NTRK3: variants seen among roughly 807,000 people sequenced by gnomAD.
The protein encoded by NTRK3 is NT-3 growth factor receptor.
In NTRK3, 24 loss-of-function variants were observed where a neutral mutation model predicts 91.7. The observed-to-expected ratio is 0.26, with a 90% confidence interval of 0.19 to 0.37. NTRK3 has a LOEUF of 0.37. Ranked by LOEUF, NTRK3 falls within the 10% of genes least tolerant of loss-of-function variation. The probability of loss-of-function intolerance (pLI) is 1.00; values close to 1 mark genes in which losing one functional copy is unlikely to be tolerated. For missense variants in NTRK3, 880 were observed against 1,068.9 expected (o/e 0.82, Z 2.46); for synonymous variants, 483 against 404.0 (o/e 1.20, Z -2.34).
chr15:88,235,452 T>C lies in NTRK3; in HGVS notation c.248+20454A>G, dbSNP rs1426675293. ...GCAAGCAGGACTCGCAGCTAAACCA[T>C]TGTGGGAGAGAGACACAAGCCCAGG... On this transcript the variant is annotated intron_variant, in intron 3 of 18. Transcript: ENST00000394480. The surrounding 1 kb of genome is among the most constrained non-coding windows in gnomAD (Gnocchi z 5.2). Among the ~76,000 whole-genome samples the C allele has an allele frequency of 1.3e-5, 2 of 152,070 alleles. No individual in the cohort carries two copies. Among genetic ancestry groups the C allele is most frequent in the Non-Finnish European group, 2.9e-5 (2 of 68,008 alleles).
intron 3 of NTRK3, among the ~76,000 whole-genome samples, chr15:88,221,097 T>C (rs1261895595): frequency 2.0e-5 from 3 of 152,228 alleles, no homozygotes; most frequent in Admixed American, 1.3e-4. Context: ...CTATTGCTGG[T>C]GGACTTCATG....
chr15:87,910,303 T>A lies in NTRK3; in HGVS notation c.2133+18888A>T, dbSNP rs145191794. ...CTGACCAGGCATGGACCCGGGCAGC[T>A]CCTGCCAACGTGCAAAGAAAAAGTG... On this transcript the variant is annotated intron_variant, in intron 17 of 18. Transcript: ENST00000394480. Among the ~76,000 whole-genome samples the A allele has an allele frequency of 4.8e-3, 736 of 152,334 alleles. 7 individuals are homozygous for A. The highest frequency in any genetic ancestry group is 0.017 in the African/African-American group (710 of 41,584).
intron 13 of NTRK3, among the ~76,000 whole-genome samples, chr15:88,050,160 G>A (rs183476218): frequency 6.6e-6 from 1 of 152,214 alleles, no homozygotes; most frequent in East Asian, 1.9e-4. Context: ...AGTAAAGAAA[G>A]TGTCAATATA....
chr15:88,097,165 T>C (rs1451908976), intron 13 of NTRK3, among the ~76,000 whole-genome samples: 1 of 152,216 alleles, frequency 6.6e-6, no homozygotes, highest in African/African-American at 2.4e-5. Flanking sequence ...TTACAATCAA[T>C]TTCACCTATG....
rs1452312855 is a variant in NTRK3 at position 88,162,452 on chromosome 15, G to A, written c.396-15049C>T. ...CCAAAGCCAACTGTGAATGAACGGG[G>A]GATCAGCCAGCAGAAGGAGAGGGGA... is the stretch of plus-strand genomic sequence containing the variant. On this transcript the variant is annotated intron_variant, in intron 5 of 18. Coordinates refer to ENST00000394480, the Ensembl canonical transcript of NTRK3. Among the ~76,000 whole-genome samples, 18 of 152,266 alleles carry A rather than the reference G, an allele frequency of 1.2e-4. No individual in the cohort carries two copies. In the East Asian group the frequency reaches 3.3e-3, roughly 28 times the overall value.
At chr15:87,886,065 A>G (rs184487696) in intron 17 of NTRK3, among the ~76,000 whole-genome samples, 65 of 152,228 alleles carry the variant, frequency 4.3e-4, no homozygotes, top group African/African-American at 1.5e-3. Context: ...GATCCACAAA[A>G]GGACTAGAAA....
intron 13 of NTRK3, among the ~76,000 whole-genome samples, chr15:88,035,680 A>C (rs183545701): frequency 1.3e-5 from 2 of 152,312 alleles, no homozygotes; most frequent in East Asian, 3.9e-4. Context: ...CAGGCACTTC[A>C]GCAAAGCTCC....
At chr15:88,096,149 C>T (rs187272730) in intron 13 of NTRK3, among the ~76,000 whole-genome samples, 2 of 152,250 alleles carry the variant, frequency 1.3e-5, no homozygotes, top group East Asian at 1.9e-4. Context: ...ACAGGGCATC[C>T]TAATCATGCT....
intron 17 of NTRK3, among the ~76,000 whole-genome samples, chr15:87,914,117 G>C (rs988133073): frequency 7.2e-5 from 11 of 152,174 alleles, no homozygotes; most frequent in African/African-American, 2.7e-4. Flanking sequence ...TAACATCCTT[G>C]CCCTGATTTC....
At chr15:88,212,319 G>C (rs1000255945) in intron 3 of NTRK3, among the ~76,000 whole-genome samples, 1 of 152,170 alleles carries the variant, frequency 6.6e-6, no homozygotes, top group African/African-American at 2.4e-5. Context: ...GCAGTGAGCC[G>C]AGATCGCGCC....
At chr15:87,974,577 GC>G (rs1158785061) in intron 14 of NTRK3, among the ~76,000 whole-genome samples, 5 of 152,008 alleles carry the variant, frequency 3.3e-5, no homozygotes, top group Admixed American at 2.0e-4. Context: ...CAGCCTAACT[GC>G]TATCCTAAGG....
At chr15:88,058,761 A>G (rs1004816959) in intron 13 of NTRK3, among the ~76,000 whole-genome samples, 1 of 152,200 alleles carries the variant, frequency 6.6e-6, no homozygotes, top group Non-Finnish European at 1.5e-5. Context: ...GGTCATGTTC[A>G]GGAAAGCAAT....
chr15:87,872,989 C>A (rs1403394607), exon 19 of NTRK3: 3 of 233,066 alleles, frequency 1.3e-5, no homozygotes, highest in East Asian at 1.2e-4. Context: ...CACCCTGCCA[C>A]TTTTCTACTT....
At position 87,877,595 on chromosome 15, in the gene NTRK3, TCCTGG is replaced by T. The variant is rs1395011279; in HGVS notation, c.2293-480_2293-476del. ...ATGCCTATCTCCTCTTATCTCTCAT[TCCTGG>T]CAGGCTCCCAGTTGCAGACTCTGTG... On this transcript the variant is annotated intron_variant, in intron 18 of 18. Coordinates refer to ENST00000394480, the Ensembl canonical transcript of NTRK3. Among the ~76,000 whole-genome samples the T allele has an allele frequency of 3.4e-3, 514 of 152,168 alleles. 1 individual carries two copies. The highest frequency in any genetic ancestry group is 0.011 in the African/African-American group (465 of 41,512).
intron 17 of NTRK3, among the ~76,000 whole-genome samples, chr15:87,900,444 G>A (rs2066381688): frequency 6.6e-6 from 1 of 152,170 alleles, no homozygotes. Context: ...GGTCATCTGG[G>A]TTCTTGTCCC....
intron 14 of NTRK3, among the ~76,000 whole-genome samples, chr15:87,966,828 G>T (rs539647607): frequency 3.3e-4 from 51 of 152,292 alleles, no homozygotes; most frequent in Non-Finnish European, 6.9e-4. Flanking sequence ...AAAGTGGGGA[G>T]GTCCCCTCTT....
intron 13 of NTRK3, among the ~76,000 whole-genome samples, chr15:88,097,510 C>G (rs1015086963): frequency 6.6e-6 from 1 of 152,162 alleles, no homozygotes; most frequent in Non-Finnish European, 1.5e-5. Context: ...ACTTTAGCAA[C>G]ATGTTTATCC....
At chr15:88,147,468 T>C (rs2151315190) in intron 5 of NTRK3, 65 bp from the exon 6 acceptor site, 1 of 1,345,662 alleles carries the variant, frequency 7.4e-7, no homozygotes, top group South Asian at 1.2e-5. Context: ...CTCTAGGTAG[T>C]AAGCTTAATC....
chr15:88,215,324 C>A (rs1342520712), intron 3 of NTRK3, among the ~76,000 whole-genome samples: 1 of 152,222 alleles, frequency 6.6e-6, no homozygotes, highest in Non-Finnish European at 1.5e-5. Context: ...AGCAGCATGC[C>A]CAGCTCCAGG....
Sources: allele counts gnomAD v4.1 joint callset (sites outside exome capture counted in the v4.1 genomes callset), GRCh38; gene constraint gnomAD v4.1.1; non-coding constraint Gnocchi (gnomAD v3.1); transcripts MANE v1.5; gene names NCBI Gene and HGNC (gene_info 2026-07-23, HGNC 2026-07-21).